The following ANKRD44 variants were observed in gnomAD, a reference collection of about 807,000 sequenced individuals.
ANKRD44 encodes ankyrin repeat domain 44, also known as serine/threonine-protein phosphatase 6 regulatory ankyrin repeat subunit B.
In ANKRD44, 35 loss-of-function variants were observed where a neutral mutation model predicts 116.0. The ratio of observed to expected loss-of-function variants is 0.30; its 90% CI spans 0.23 to 0.40. The LOEUF is 0.40. ANKRD44 is among the 10% of genes least tolerant of loss of function. ANKRD44 has a pLI of 1.00. For missense variants in ANKRD44, 1,014 were observed against 1,242.6 expected, an observed-to-expected ratio of 0.82 and a Z score of 2.77; for synonymous variants, 435 against 461.8, an observed-to-expected ratio of 0.94 and a Z score of 0.74.
intron 1 of ANKRD44, among the ~76,000 whole-genome samples, chr2:197,283,272 AT>A (rs1559217481): frequency 1.3e-5 from 2 of 152,202 alleles, no homozygotes; most frequent in African/African-American, 4.8e-5. Context: ...AACCTATTAA[AT>A]TTTTTAAAGC....
chr2:197,071,385 G>T (rs1283341508), intron 16 of ANKRD44, among the ~76,000 whole-genome samples: 2 of 152,080 alleles, frequency 1.3e-5, no homozygotes, highest in Non-Finnish European at 2.9e-5. Flanking sequence ...ATTTCACTTT[G>T]TTGTACTTTC....
intron 2 of ANKRD44, among the ~76,000 whole-genome samples, chr2:197,151,899 C>T (rs545325117): frequency 6.6e-6 from 1 of 152,274 alleles, no homozygotes; most frequent in South Asian, 2.1e-4. Flanking sequence ...TTCCCCCAAA[C>T]CCATCCATAT....
intron 12 of ANKRD44, among the ~76,000 whole-genome samples, chr2:197,088,457 C>G (rs925683294): frequency 2.1e-5 from 3 of 145,090 alleles, no homozygotes; most frequent in African/African-American, 7.4e-5. Flanking sequence ...GCCTGAAAAT[C>G]TATAATTTAA....
intron 2 of ANKRD44, among the ~76,000 whole-genome samples, chr2:197,175,924 A>T (rs2125560534): frequency 7.1e-6 from 1 of 141,608 alleles, no homozygotes; most frequent in East Asian, 1.9e-4. Context: ...AGGAACCCTG[A>T]TTTTTAGGTT....
At chr2:197,243,329 C>T (rs189430994) in intron 1 of ANKRD44, among the ~76,000 whole-genome samples, 2 of 151,902 alleles carry the variant, frequency 1.3e-5, no homozygotes, top group South Asian at 2.1e-4. Context: ...AAATAAAACC[C>T]TTAAAGAACC....
chr2:196,984,287 G>T (rs930130744), downstream of ANKRD44, among the ~76,000 whole-genome samples: 47 of 152,054 alleles, frequency 3.1e-4, no homozygotes, highest in Admixed American at 6.6e-4. Flanking sequence ...TCTAGTAGCA[G>T]CCCTGCCCAC....
chr2:197,013,696 T>C lies in ANKRD44; in HGVS notation c.1739A>G (p.His580Arg). 1 of 1,612,990 alleles carries C rather than the reference T, an allele frequency of 6.2e-7. No homozygotes were observed. Among genetic ancestry groups the C allele is most frequent in the Non-Finnish European group, 8.5e-7 (1 of 1,180,024 alleles). Residue 580 changes from histidine to arginine, a missense_variant, in exon 18 of 28, where the codon CAT (histidine) becomes CGT (arginine). Physicochemically the swap from His to Arg is conservative, Grantham distance 29 (BLOSUM62 0). Transcript: ENST00000282272. ...CTGCAGAAGGACTTCCAAGGCTTGATGGTGCCCATTGTAGGCCTGCAAAGA... is the reference window on the plus strand; with the variant it reads ...CTGCAGAAGGACTTCCAAGGCTTGACGGTGCCCATTGTAGGCCTGCAAAGA... ...PLHLAAYNGH[H>R]QALEVLLQSL... is the part of the protein sequence containing the mutation.
intron 2 of ANKRD44, among the ~76,000 whole-genome samples, chr2:197,183,688 A>G (rs551755949): frequency 1.6e-4 from 25 of 152,328 alleles, no homozygotes; most frequent in Admixed American, 1.5e-3. Context: ...GAGAGTCTAA[A>G]GAGGGGTGAG....
chr2:197,221,488 G>A (rs1488337813), intron 1 of ANKRD44, among the ~76,000 whole-genome samples: 7 of 152,072 alleles, frequency 4.6e-5, no homozygotes, highest in Admixed American at 1.3e-4. Context: ...ATGTTGCTTA[G>A]GCTGGAAATC....
chr2:197,310,674 A>G lies in ANKRD44; in HGVS notation c.-70T>C. ...CAGATGTCACGCCGGGAGCCGGGGA[A>G]GCGGAAGGGATTGCCAGGAGAAGGG... On this transcript the variant is annotated 5_prime_UTR_variant, in exon 1 of 28. Transcript: ENST00000282272. The G allele has an allele frequency of 2.3e-6, 3 of 1,281,896 alleles. No homozygotes were observed. The highest frequency in any genetic ancestry group is 3.0e-6 in the Non-Finnish European group (3 of 989,388). 79.4% of individuals were successfully genotyped at this position (1,281,896 alleles called of 1,614,324 possible). A position where few individuals can be genotyped will look rare whatever the true frequency, so the allele number is the denominator to read the frequency against.
At chr2:197,013,882 C>T (rs190069071) in intron 17 of ANKRD44, among the ~76,000 whole-genome samples, 170 bp from the exon 18 acceptor site, 5 of 152,338 alleles carry the variant, frequency 3.3e-5, no homozygotes, top group African/African-American at 1.2e-4. Context: ...GAGAGTTAGA[C>T]TGAAACACTA....
chr2:197,038,978 A>AG, intron 16 of ANKRD44, among the ~76,000 whole-genome samples: 1 of 152,304 alleles, frequency 6.6e-6, no homozygotes, highest in East Asian at 1.9e-4. Flanking sequence ...TTCCCATATT[A>AG]TTTTGGAGGT....
chr2:197,080,971 T>C (rs1056985704), intron 15 of ANKRD44, among the ~76,000 whole-genome samples: 4 of 152,254 alleles, frequency 2.6e-5, no homozygotes, highest in African/African-American at 7.2e-5. Context: ...TGCTAGGCAC[T>C]GCACTGAGCA....
chr2:197,003,812 T>C (rs1185285498), intron 21 of ANKRD44, among the ~76,000 whole-genome samples: 2 of 151,718 alleles, frequency 1.3e-5, no homozygotes, highest in African/African-American at 4.8e-5. Context: ...TTGACCCAGA[T>C]GGGGGTCACC....
intron 1 of ANKRD44, among the ~76,000 whole-genome samples, chr2:197,274,188 T>G (rs895819009): frequency 6.6e-6 from 1 of 151,736 alleles, no homozygotes; most frequent in African/African-American, 2.4e-5. Flanking sequence ...GTTCCTGTTC[T>G]CACTGAGACA....
chr2:197,081,087 C>T (rs1244496230), intron 15 of ANKRD44, among the ~76,000 whole-genome samples: 1 of 152,174 alleles, frequency 6.6e-6, no homozygotes, highest in Non-Finnish European at 1.5e-5. Flanking sequence ...CACTCCCACC[C>T]CTGCCACAGC....
intron 18 of ANKRD44, among the ~76,000 whole-genome samples, chr2:197,012,993 A>G (rs1488465702): frequency 6.6e-6 from 1 of 152,196 alleles, no homozygotes; most frequent in African/African-American, 2.4e-5. Flanking sequence ...TTTTTGATAT[A>G]TACATGTACT....
intron 2 of ANKRD44, among the ~76,000 whole-genome samples, chr2:197,158,179 A>G (rs2079868648): frequency 6.6e-6 from 1 of 152,216 alleles, no homozygotes; most frequent in Non-Finnish European, 1.5e-5. Flanking sequence ...AAACCGAAGC[A>G]GGTCTTCGGA....
At chr2:197,279,983 T>C (rs927252573) in intron 1 of ANKRD44, among the ~76,000 whole-genome samples, 7 of 152,220 alleles carry the variant, frequency 4.6e-5, no homozygotes, top group Non-Finnish European at 7.3e-5. Flanking sequence ...ACCACTACTA[T>C]AAGAATTTCG....
Sources: gnomAD v4.1 joint callset for allele counts (sites outside exome capture counted in the v4.1 genomes callset) on GRCh38, gnomAD v4.1.1 for gene constraint, MANE v1.5 for transcripts, NCBI Gene and HGNC (gene_info 2026-07-23, HGNC 2026-07-21) for gene names.